Variants in ADGRL2 observed in about 807,000 individuals in gnomAD.
The protein encoded by ADGRL2 is adhesion G protein-coupled receptor L2.
In ADGRL2, 44 loss-of-function variants were observed where a neutral mutation model predicts 157.4. The ratio of observed to expected loss-of-function variants is 0.28; its 90% confidence interval spans 0.22 to 0.36. ADGRL2 has a LOEUF of 0.36. Ranked by LOEUF, ADGRL2 falls within the 10% of genes least tolerant of loss-of-function variation. The pLI is 1.00. For missense variants in ADGRL2, 1,510 were observed against 1,768.9 expected (o/e 0.85, Z 2.63); for synonymous variants, 585 against 624.7 (o/e 0.94, Z 0.95).
intron 2 of ADGRL2, among the ~76,000 whole-genome samples, chr1:81,854,861 G>A (rs1448520343): frequency 5.3e-5 from 8 of 152,124 alleles, no homozygotes; most frequent in Non-Finnish European, 8.8e-5. Flanking sequence ...AATGTGTGCC[G>A]AAGGTGAGGG....
chr1:81,642,941 A>G (rs1365233959), intron 3 of ADGRL2, among the ~76,000 whole-genome samples: 1 of 152,188 alleles, frequency 6.6e-6, no homozygotes. Context: ...AATTTGATGA[A>G]AAATACGAAA....
chr1:81,559,355 A>C (rs1385907035), intron 2 of ADGRL2, among the ~76,000 whole-genome samples: 3 of 152,092 alleles, frequency 2.0e-5, no homozygotes, highest in African/African-American at 7.2e-5. Flanking sequence ...ATTGTGATGG[A>C]TATAAATACG....
intron 1 of ADGRL2, among the ~76,000 whole-genome samples, chr1:81,341,734 T>A (rs536847597): frequency 6.6e-6 from 1 of 152,162 alleles, no homozygotes. Flanking sequence ...GTAGAGCTCA[T>A]TGGGAGTTAC....
At chr1:81,466,569 T>C (rs182205486) in intron 2 of ADGRL2, among the ~76,000 whole-genome samples, 2 of 152,278 alleles carry the variant, frequency 1.3e-5, no homozygotes, top group East Asian at 3.9e-4. Context: ...ACCTGGAGTT[T>C]GTCTAACTCA....
intron 1 of ADGRL2, among the ~76,000 whole-genome samples, chr1:81,309,104 T>C (rs1398283536): frequency 2.0e-5 from 3 of 152,172 alleles, no homozygotes; most frequent in Non-Finnish European, 2.9e-5. Context: ...GAGTGTTCAC[T>C]GGGGCTGTAG....
intron 3 of ADGRL2, among the ~76,000 whole-genome samples, chr1:81,600,216 G>T (rs974657937): frequency 2.0e-5 from 3 of 152,202 alleles, no homozygotes; most frequent in Non-Finnish European, 4.4e-5. Context: ...AGGCACATGT[G>T]CAAGTAAGTA....
chr1:81,659,052 ATTTTTTTTTTTTT>A (rs55832240), intron 3 of ADGRL2, among the ~76,000 whole-genome samples: 2 of 60,560 alleles, frequency 3.3e-5, no homozygotes, highest in East Asian at 5.6e-4. Context: ...ACACCCAGCA[ATTTTTTTTTTTTT>A]TTTTTTTTTT....
At chr1:81,831,620 A>T (rs1294619943) in intron 1 of ADGRL2, among the ~76,000 whole-genome samples, 1 of 151,990 alleles carries the variant, frequency 6.6e-6, no homozygotes, top group Non-Finnish European at 1.5e-5. Flanking sequence ...TAAAATGGAT[A>T]TATTTCTTAA....
At chr1:81,813,933 A>G (rs1170818463) in intron 1 of ADGRL2, among the ~76,000 whole-genome samples, 1 of 151,710 alleles carries the variant, frequency 6.6e-6, no homozygotes, top group Non-Finnish European at 1.5e-5. Context: ...GTTACTGGAA[A>G]GGCACAGCTA....
intron 3 of ADGRL2, among the ~76,000 whole-genome samples, chr1:81,614,926 T>C (rs905521318): frequency 4.0e-5 from 6 of 151,784 alleles, no homozygotes; most frequent in Non-Finnish European, 8.8e-5. Context: ...AGCGGGAGGA[T>C]TACTTGAGCC....
At chr1:81,521,045 A>G (rs571629539) in intron 2 of ADGRL2, among the ~76,000 whole-genome samples, 59 of 152,286 alleles carry the variant, frequency 3.9e-4, no homozygotes, top group Non-Finnish European at 6.6e-4. Flanking sequence ...TATTCACATC[A>G]CATTGGATAG....
At chr1:81,653,752 G>A (rs1226887654) in intron 3 of ADGRL2, among the ~76,000 whole-genome samples, 1 of 152,060 alleles carries the variant, frequency 6.6e-6, no homozygotes, top group Admixed American at 6.6e-5. Context: ...CAATAGGGAT[G>A]TTCTGAGAAA....
At chr1:81,758,128 C>T (rs2085751917) in intron 1 of ADGRL2, among the ~76,000 whole-genome samples, 1 of 152,140 alleles carries the variant, frequency 6.6e-6, no homozygotes, top group Admixed American at 6.6e-5. Context: ...TGAGCTTTCC[C>T]ACATGAAGTG....
chr1:81,356,445 C>CT (rs951149273), intron 1 of ADGRL2, among the ~76,000 whole-genome samples: 29 of 151,588 alleles, frequency 1.9e-4, no homozygotes, highest in Non-Finnish European at 3.4e-4. Context: ...CTGAAACTAA[C>CT]TTTTTTTTTG....
At chr1:81,674,839 C>A (rs924872873) in intron 3 of ADGRL2, among the ~76,000 whole-genome samples, 1 of 152,100 alleles carries the variant, frequency 6.6e-6, no homozygotes, top group Non-Finnish European at 1.5e-5. Context: ...TATGTATTTA[C>A]CATTTTGCTT....
intron 1 of ADGRL2, among the ~76,000 whole-genome samples, chr1:81,708,639 CATAT>C (rs144706739): frequency 6.7e-6 from 1 of 148,292 alleles, no homozygotes; most frequent in African/African-American, 2.5e-5. Context: ...TTAAAATTTA[CATAT>C]ATATATATAT....
chr1:81,517,464 CAAAAAAAAA>C (rs397956551), intron 2 of ADGRL2, among the ~76,000 whole-genome samples: 1 of 45,268 alleles, frequency 2.2e-5, no homozygotes, highest in African/African-American at 8.1e-5. Flanking sequence ...GACTCCCTCT[CAAAAAAAAA>C]AAAAAAAAAA....
chr1:81,306,794 GA>G (rs1659365362), intron 1 of ADGRL2, among the ~76,000 whole-genome samples: 1 of 152,020 alleles, frequency 6.6e-6, no homozygotes, highest in Non-Finnish European at 1.5e-5. Flanking sequence ...TTCCCTCTTA[GA>G]AAAACATTAA....
intron 1 of ADGRL2, among the ~76,000 whole-genome samples, chr1:81,826,042 C>T (rs2091451616): frequency 6.6e-6 from 1 of 152,064 alleles, no homozygotes; most frequent in African/African-American, 2.4e-5. Context: ...AAATGAAGTA[C>T]CTTTTGTATT....
Sources: gnomAD v4.1 joint callset for allele counts (sites outside exome capture counted in the v4.1 genomes callset) on GRCh38, gnomAD v4.1.1 for gene constraint, MANE v1.5 for transcripts, NCBI Gene and HGNC (gene_info 2026-07-23, HGNC 2026-07-21) for gene names.